The following C3orf20 variants were observed in gnomAD, a reference collection of about 807,000 sequenced individuals.
The protein encoded by C3orf20 is family with sequence similarity 149 member C, also known as uncharacterized protein C3orf20.
C3orf20 carries 76 observed loss-of-function variants against 88.3 expected under a neutral mutation model. The ratio of observed to expected loss-of-function variants is 0.86; its 90% CI spans 0.72 to 1.04. The LOEUF (loss-of-function observed/expected upper bound fraction) is 1.04. Among genes scored for constraint, C3orf20 ranks in the 50% least tolerant of loss-of-function variants. The probability of loss-of-function intolerance (pLI) is 0.00; values close to 1 mark genes in which losing one functional copy is unlikely to be tolerated. For missense variants in C3orf20, 1,056 were observed against 1,123.3 expected (o/e 0.94, Z 0.86); for synonymous variants, 436 against 437.4 (o/e 1.00, Z 0.04).
At chr3:14,750,922 CAT>C (rs1291364141) in intron 12 of C3orf20, among the ~76,000 whole-genome samples, 2 of 152,052 alleles carry the variant, frequency 1.3e-5, no homozygotes, top group East Asian at 3.9e-4. Flanking sequence ...CTAGGATTCC[CAT>C]TATGTGTCTT....
intron 12 of C3orf20, among the ~76,000 whole-genome samples, chr3:14,732,927 A>G (rs1226425836): frequency 6.6e-6 from 1 of 152,070 alleles, no homozygotes; most frequent in African/African-American, 2.4e-5. Context: ...TGGATAGCCA[A>G]TTGTTCCAAC....
chr3:14,723,507 A>G (rs987168716), intron 10 of C3orf20, among the ~76,000 whole-genome samples: 6 of 152,234 alleles, frequency 3.9e-5, no homozygotes, highest in African/African-American at 1.4e-4. Flanking sequence ...AATTCTCTCA[A>G]TCTAATGGAA....
At chr3:14,715,152 A>C (rs1240311468) in intron 8 of C3orf20, 137 bp from the exon 9 acceptor site, 4 of 1,074,868 alleles carry the variant, frequency 3.7e-6, no homozygotes, top group South Asian at 2.0e-5. Flanking sequence ...AAGTGGGGAA[A>C]GTAAGGTTGA....
Position 14,757,671 on chromosome 3 carries a change from C to T in C3orf20, c.2241C>T (p.Ile747=), listed in dbSNP as rs772359521. 1 of 1,609,322 alleles carries T rather than the reference C, an allele frequency of 6.2e-7. No individual in the cohort carries two copies. Among genetic ancestry groups the T allele is most frequent in the Non-Finnish European group, 8.5e-7 (1 of 1,176,884 alleles). The change falls in exon 13 of 17, where the codon ATC becomes ATT. Residue 747 remains isoleucine (I), a synonymous_variant. Transcript: ENST00000253697. ...HQQRGRGSPC[I]QCRYDSYRLL... ...AGCGGGGCCGTGGCTCCCCCTGCAT[C>T]CAGGTTGGTCTGGGCCCAGTGAGGA... is the stretch of plus-strand genomic sequence containing the variant.
At chr3:14,694,525 G>C (rs2124915745) in intron 5 of C3orf20, among the ~76,000 whole-genome samples, 1 of 152,174 alleles carries the variant, frequency 6.6e-6, no homozygotes, top group African/African-American at 2.4e-5. Flanking sequence ...TGCAATATCA[G>C]TTGTAATGTC....
chr3:14,721,565 A>G (rs1559419964), intron 9 of C3orf20, 88 bp from the exon 10 acceptor site: 2 of 1,539,468 alleles, frequency 1.3e-6, no homozygotes, highest in South Asian at 1.3e-5. Flanking sequence ...CCAAGCCAAC[A>G]GGGGCTTTGT....
intron 1 of C3orf20, among the ~76,000 whole-genome samples, chr3:14,676,413 G>A (rs577738299): frequency 2.6e-5 from 4 of 152,170 alleles, no homozygotes; most frequent in Non-Finnish European, 4.4e-5. Flanking sequence ...AGGTTTCCAT[G>A]GAATGTGTAA....
intron 7 of C3orf20, among the ~76,000 whole-genome samples, chr3:14,711,850 T>A (rs1416740502): frequency 6.6e-6 from 1 of 152,166 alleles, no homozygotes; most frequent in African/African-American, 2.4e-5. Flanking sequence ...GTTTTCTATA[T>A]GTCGTATACC....
intron 7 of C3orf20, among the ~76,000 whole-genome samples, chr3:14,705,884 C>G (rs1386361480): frequency 6.6e-6 from 1 of 152,222 alleles, no homozygotes; most frequent in Admixed American, 6.5e-5. Flanking sequence ...TGTGGCCAAG[C>G]TAGGCCTTGG....
At chr3:14,748,608 G>A (rs974791947) in intron 12 of C3orf20, among the ~76,000 whole-genome samples, 3 of 152,108 alleles carry the variant, frequency 2.0e-5, no homozygotes, top group African/African-American at 7.2e-5. Context: ...ATTCCTGACT[G>A]TTGCTCTCAG....
chr3:14,677,218 C>CT (rs1352216110), intron 1 of C3orf20, among the ~76,000 whole-genome samples: 5 of 152,184 alleles, frequency 3.3e-5, no homozygotes, highest in Non-Finnish European at 5.9e-5. Context: ...TGATTGTCTT[C>CT]TTAAGTATAC....
At chr3:14,743,349 C>T (rs1311503696) in intron 12 of C3orf20, among the ~76,000 whole-genome samples, 1 of 151,996 alleles carries the variant, frequency 6.6e-6, no homozygotes, top group African/African-American at 2.4e-5. Flanking sequence ...CCAGGTCTCA[C>T]ATTCAGGTCA....
chr3:14,767,242 C>CCTA (rs900707047), intron 15 of C3orf20: 2 of 152,312 alleles, frequency 1.3e-5, no homozygotes, highest in African/African-American at 4.8e-5. Context: ...TGCCCTTGGG[C>CCTA]CTAGCATGGG....
chr3:14,761,675 G>A, intron 15 of C3orf20, 60 bp downstream of exon 15: 1 of 1,524,166 alleles, frequency 6.6e-7, no homozygotes. Context: ...GGGCAGAAAG[G>A]AGACTTGGGC....
chr3:14,727,457 A>G (rs776716598), intron 11 of C3orf20, among the ~76,000 whole-genome samples: 17 of 151,192 alleles, frequency 1.1e-4, no homozygotes, highest in Non-Finnish European at 1.8e-4. Context: ...AAATGCAATC[A>G]CCTCTCTAGG....
At chr3:14,763,555 C>T (rs908006194) in intron 15 of C3orf20, among the ~76,000 whole-genome samples, 1 of 152,138 alleles carries the variant, frequency 6.6e-6, no homozygotes, top group Non-Finnish European at 1.5e-5. Flanking sequence ...GGGACATAGA[C>T]GTTCAGACAT....
intron 4 of C3orf20, among the ~76,000 whole-genome samples, chr3:14,686,363 G>A (rs576671008): frequency 6.6e-6 from 1 of 152,280 alleles, no homozygotes; most frequent in African/African-American, 2.4e-5. Context: ...AAGTGGAATT[G>A]CTGGATCATA....
chr3:14,752,301 C>T (rs2035242197), intron 12 of C3orf20, among the ~76,000 whole-genome samples: 1 of 152,162 alleles, frequency 6.6e-6, no homozygotes, highest in Admixed American at 6.5e-5. Flanking sequence ...GAAACTGGAT[C>T]CCTTGCTTAC....
At position 14,704,498 on chromosome 3, in the gene C3orf20, G is replaced by A. The variant is rs1026468734; in HGVS notation, c.1040G>A (p.Ser347Asn). 5.6e-6 allele frequency: 9 copies of A among 1,613,990 alleles called. No homozygotes were observed. In the African/African-American group the frequency reaches 9.3e-5, roughly 17 times the overall value. The stretch of plus-strand genomic sequence containing the variant: ...CCCACTGCAGGTGCTCAGACTCTCA[G>A]CCCCACCTCTCACCCATCTTCTGCC... ...YPPTAGAQTL[S>N]PTSHPSSANH... Residue 347 changes from serine to asparagine, a missense_variant, in exon 7 of 17, where the codon AGC (serine) becomes AAC (asparagine). Transcript: ENST00000253697.
Sources: allele counts gnomAD v4.1 joint callset (sites outside exome capture counted in the v4.1 genomes callset), GRCh38; gene constraint gnomAD v4.1.1; transcripts MANE v1.5; gene names NCBI Gene and HGNC (gene_info 2026-07-23, HGNC 2026-07-21).